The following SNTG1 variants were observed in gnomAD, a reference collection of about 807,000 sequenced individuals.
SNTG1 encodes syntrophin gamma 1.
Under a neutral mutation model 74.7 loss-of-function variants are expected in SNTG1, and 39 were observed. The ratio of observed to expected loss-of-function variants is 0.52; its 90% CI spans 0.40 to 0.68. The LOEUF (loss-of-function observed/expected upper bound fraction) is 0.68, where lower values mean the gene tolerates loss of function less well. Ranked by LOEUF, SNTG1 falls within the 30% of genes least tolerant of loss-of-function variation. The probability of loss-of-function intolerance (pLI) is 0.00; values close to 1 mark genes in which losing one functional copy is unlikely to be tolerated. For missense variants in SNTG1, 685 were observed against 609.5 expected (o/e 1.12, Z -1.30); for synonymous variants, 254 against 217.1 (o/e 1.17, Z -1.49).
intron 8 of SNTG1, among the ~76,000 whole-genome samples, chr8:50,456,301 A>G (rs2093504632): frequency 6.6e-6 from 1 of 152,148 alleles, no homozygotes; most frequent in East Asian, 1.9e-4. Flanking sequence ...GAGAACTGAA[A>G]GACCCAATTT....
intron 18 of SNTG1, among the ~76,000 whole-genome samples, chr8:50,788,733 C>T (rs2095682928): frequency 6.6e-6 from 1 of 152,006 alleles, no homozygotes; most frequent in African/African-American, 2.4e-5. Context: ...TTTATCCTAT[C>T]AGGCTATGAC....
At chr8:50,390,512 A>C (rs1479478884) in intron 2 of SNTG1, among the ~76,000 whole-genome samples, 1 of 152,160 alleles carries the variant, frequency 6.6e-6, no homozygotes, top group Non-Finnish European at 1.5e-5. Flanking sequence ...TGATGCCTCC[A>C]GCTTTGTTCT....
At chr8:50,523,566 CAGCTAGTCAGTTG>C (rs2094197167) in intron 9 of SNTG1, among the ~76,000 whole-genome samples, 1 of 152,140 alleles carries the variant, frequency 6.6e-6, no homozygotes, top group African/African-American at 2.4e-5. Context: ...AGATGGGGAA[CAGCTAGTCAGTTG>C]AGCTGTCAGA....
chr8:50,224,281 G>A (rs1341923196), intron 2 of SNTG1, among the ~76,000 whole-genome samples: 1 of 152,092 alleles, frequency 6.6e-6, no homozygotes, highest in African/African-American at 2.4e-5. Context: ...AAGTGACATA[G>A]ATTACACACA....
chr8:50,223,371 A>G (rs2085164855), intron 2 of SNTG1, among the ~76,000 whole-genome samples: 1 of 152,198 alleles, frequency 6.6e-6, no homozygotes, highest in Admixed American at 6.5e-5. Context: ...CTCCTAATAG[A>G]AAAGGAATAT....
intron 1 of SNTG1, among the ~76,000 whole-genome samples, chr8:49,965,072 A>G (rs1467862309): frequency 1.3e-5 from 2 of 152,204 alleles, no homozygotes; most frequent in African/African-American, 4.8e-5. Flanking sequence ...TTGAAATGAT[A>G]CCACTGTTTC....
chr8:49,922,135 C>G (rs2129344622), intron 1 of SNTG1, among the ~76,000 whole-genome samples: 1 of 152,208 alleles, frequency 6.6e-6, no homozygotes, highest in African/African-American at 2.4e-5. Flanking sequence ...CTCACTGCGG[C>G]TCAATGACCT....
At chr8:50,075,277 G>A (rs775109687) in intron 1 of SNTG1, among the ~76,000 whole-genome samples, 1 of 152,174 alleles carries the variant, frequency 6.6e-6, no homozygotes, top group African/African-American at 2.4e-5. Flanking sequence ...ACTGACTGGC[G>A]GCCCCTGGGT....
chr8:50,353,657 G>T (rs2091735500), intron 2 of SNTG1, among the ~76,000 whole-genome samples: 2 of 152,172 alleles, frequency 1.3e-5, no homozygotes, highest in South Asian at 4.1e-4. Flanking sequence ...GCTACGTTGA[G>T]CCTGTCCTGT....
At chr8:50,785,875 G>C (rs1207917714) in intron 18 of SNTG1, among the ~76,000 whole-genome samples, 1 of 151,706 alleles carries the variant, frequency 6.6e-6, no homozygotes, top group African/African-American at 2.4e-5. Flanking sequence ...AAATCAATCA[G>C]AGCAATACAC....
intron 1 of SNTG1, among the ~76,000 whole-genome samples, chr8:50,144,607 G>C (rs1370390768): frequency 6.6e-6 from 1 of 152,120 alleles, no homozygotes; most frequent in Non-Finnish European, 1.5e-5. Flanking sequence ...AATAGGACTG[G>C]GGATCATTTA....
At chr8:50,599,237 C>G (rs1425064011) in intron 13 of SNTG1, among the ~76,000 whole-genome samples, 2 of 152,010 alleles carry the variant, frequency 1.3e-5, no homozygotes, top group Admixed American at 6.6e-5. Context: ...CTGTTTTTAA[C>G]AGTACCATGC....
At chr8:50,747,355 T>A (rs1330642171) in intron 17 of SNTG1, among the ~76,000 whole-genome samples, 2 of 151,984 alleles carry the variant, frequency 1.3e-5, no homozygotes, top group Non-Finnish European at 2.9e-5. Flanking sequence ...TTAAACTTTT[T>A]CTTGAGCGTG....
chr8:50,376,024 G>T (rs928843080), intron 2 of SNTG1, among the ~76,000 whole-genome samples: 1 of 140,340 alleles, frequency 7.1e-6, no homozygotes, highest in Non-Finnish European at 1.6e-5. Flanking sequence ...CAGGCTGAAA[G>T]TCTAAAGATA....
rs2093576027 is a variant in SNTG1, at chr8:50,462,794, C to CTTTTTTTTTTTTTTTTTTTTTTTTTTTTT, written c.363+12066_363+12067insTTTTTTTTTTTTTTTTTTTTTTTTTTTTT. ...AACTCAGTCGCATCTTCAGGTTCTA[C>CTTTTTTTTTTTTTTTTTTTTTTTTTTTTT]TCTTTTTTTTTTTTTTTTTTTTTTT... On this transcript the variant is annotated intron_variant, in intron 8 of 18. Transcript: ENST00000642720. 9.2e-5 allele frequency among the ~76,000 whole-genome samples: 4 copies of CTTTTTTTTTTTTTTTTTTTTTTTTTTTTT among 43,628 alleles called. 2 individuals are homozygous for CTTTTTTTTTTTTTTTTTTTTTTTTTTTTT. The highest frequency in any genetic ancestry group is 1.5e-4 in the African/African-American group (2 of 13,402). 28.6% of individuals were successfully genotyped at this position (43,628 alleles called of 152,430 possible). A position where few individuals can be genotyped will look rare whatever the true frequency, so the allele number is the denominator to read the frequency against.
intron 2 of SNTG1, among the ~76,000 whole-genome samples, chr8:50,254,347 T>C (rs1586854012): frequency 6.6e-6 from 1 of 152,202 alleles, no homozygotes; most frequent in South Asian, 2.1e-4. Flanking sequence ...TTTGCAGAAC[T>C]CACCTTCATC....
intron 2 of SNTG1, among the ~76,000 whole-genome samples, chr8:50,369,944 C>A (rs765162412): frequency 7.2e-5 from 11 of 152,180 alleles, no homozygotes; most frequent in Non-Finnish European, 1.3e-4. Flanking sequence ...GCCAATGACT[C>A]TATTTCTAAT....
At chr8:50,324,521 G>A (rs1174785266) in intron 2 of SNTG1, among the ~76,000 whole-genome samples, 2 of 152,092 alleles carry the variant, frequency 1.3e-5, no homozygotes, top group Admixed American at 6.6e-5. Flanking sequence ...ATGTGGTCGG[G>A]GTAGGAGGGA....
chr8:50,220,581 G>GTT (rs1410647325), intron 2 of SNTG1, among the ~76,000 whole-genome samples: 3 of 152,160 alleles, frequency 2.0e-5, no homozygotes, highest in Admixed American at 6.6e-5. Context: ...ATGTATTGAA[G>GTT]TTTTGTTGGA....
Sources: gnomAD v4.1 joint callset for allele counts (sites outside exome capture counted in the v4.1 genomes callset) on GRCh38, gnomAD v4.1.1 for gene constraint, MANE v1.5 for transcripts, NCBI Gene and HGNC (gene_info 2026-07-23, HGNC 2026-07-21) for gene names.